TASP1: variants seen among roughly 807,000 people sequenced by gnomAD.
TASP1 encodes taspase 1.
TASP1 carries 16 observed loss-of-function variants against 56.6 expected under a neutral mutation model. That is an observed-to-expected ratio of 0.28 (90% CI 0.19 to 0.43). The LOEUF is 0.43. Ranked by LOEUF, TASP1 falls within the 20% of genes least tolerant of loss-of-function variation. The pLI is 1.00. For missense variants in TASP1, 393 were observed against 511.6 expected (o/e 0.77, Z 2.24); for synonymous variants, 179 against 184.2 (o/e 0.97, Z 0.23).
At chr20:13,128,405 C>G in the TASP1 span, among the ~76,000 whole-genome samples, 1 of 152,184 alleles carries the variant, frequency 6.6e-6, no homozygotes, top group African/African-American at 2.4e-5. Flanking sequence ...ACATCTAATA[C>G]CAATCAGTCA....
At chr20:13,256,865 A>G in the TASP1 span, among the ~76,000 whole-genome samples, 1 of 152,188 alleles carries the variant, frequency 6.6e-6, no homozygotes. Context: ...AGTGATACGT[A>G]AAAGTGTTTG....
chr20:13,434,140 TTCTATTTTTTTTTTAA>T (rs1258293440), intron 12 of TASP1, among the ~76,000 whole-genome samples: 1 of 152,066 alleles, frequency 6.6e-6, no homozygotes. Flanking sequence ...TGTGGCAAAG[TTCTATTTTTTTTTTAA>T]TCTGCATGCT....
the TASP1 span, among the ~76,000 whole-genome samples, chr20:13,131,944 C>T: frequency 2.0e-4 from 30 of 152,062 alleles, no homozygotes; most frequent in Non-Finnish European, 4.4e-4. Context: ...CTCGCTCAGC[C>T]TACTACAGGC....
At chr20:13,441,244 G>A (rs1040937922) in intron 11 of TASP1, among the ~76,000 whole-genome samples, 1 of 151,966 alleles carries the variant, frequency 6.6e-6, no homozygotes, top group Non-Finnish European at 1.5e-5. Flanking sequence ...CATTCAAATC[G>A]CTAAATTAAT....
At chr20:13,627,756 C>T (rs1211344400) in intron 2 of TASP1, among the ~76,000 whole-genome samples, 3 of 103,718 alleles carry the variant, frequency 2.9e-5, no homozygotes, top group African/African-American at 6.2e-5. Flanking sequence ...AAAAGTTGAG[C>T]CATTAAATCA....
chr20:13,324,203 C>T, the TASP1 span, among the ~76,000 whole-genome samples: 1 of 152,200 alleles, frequency 6.6e-6, no homozygotes, highest in South Asian at 2.1e-4. Flanking sequence ...TGGCTGTTTA[C>T]AAAGCATGTC....
At chr20:13,416,673 G>A (rs1213676690) in intron 13 of TASP1, among the ~76,000 whole-genome samples, 1 of 152,140 alleles carries the variant, frequency 6.6e-6, no homozygotes, top group Non-Finnish European at 1.5e-5. Context: ...CAACTTCACA[G>A]CTTTATAACT....
intron 10 of TASP1, among the ~76,000 whole-genome samples, chr20:13,527,757 C>A (rs780511382): frequency 1.3e-5 from 2 of 151,710 alleles, no homozygotes; most frequent in Non-Finnish European, 2.9e-5. Flanking sequence ...TGGAAATGTA[C>A]CTTGTAAGTT....
At chr20:13,604,773 C>T (rs1417262317) in intron 4 of TASP1, among the ~76,000 whole-genome samples, 1 of 151,990 alleles carries the variant, frequency 6.6e-6, no homozygotes, top group Non-Finnish European at 1.5e-5. Flanking sequence ...ATTGACAAAA[C>T]TAAGTATTGG....
chr20:13,295,748 T>A, the TASP1 span, among the ~76,000 whole-genome samples: 1 of 152,192 alleles, frequency 6.6e-6, no homozygotes, highest in Non-Finnish European at 1.5e-5. Context: ...TGACTGGGAA[T>A]CCCAGCAAAA....
intron 6 of TASP1, among the ~76,000 whole-genome samples, chr20:13,573,215 A>C (rs1385693906): frequency 6.6e-6 from 1 of 152,212 alleles, no homozygotes; most frequent in African/African-American, 2.4e-5. Context: ...GAAATGTTCT[A>C]ACATATACAA....
At chr20:13,374,783 T>C in the TASP1 span, among the ~76,000 whole-genome samples, 1 of 152,016 alleles carries the variant, frequency 6.6e-6, no homozygotes, top group East Asian at 1.9e-4. Flanking sequence ...ACTTAGCTAG[T>C]CCATTTTGAT....
chr20:13,570,289 T>C (rs753570454), intron 6 of TASP1, among the ~76,000 whole-genome samples: 4 of 152,096 alleles, frequency 2.6e-5, no homozygotes, highest in African/African-American at 9.7e-5. Flanking sequence ...ACTAAGCAAA[T>C]AGTAATAGCA....
chr20:13,614,794 C>G (rs1568653034), intron 4 of TASP1: 1 of 468,794 alleles, frequency 2.1e-6, no homozygotes, highest in Non-Finnish European at 4.4e-6. Context: ...TAGTTTTAAA[C>G]TTTGTTTTAG....
At chr20:13,503,976 A>G (rs1283300545) in intron 10 of TASP1, among the ~76,000 whole-genome samples, 1 of 150,638 alleles carries the variant, frequency 6.6e-6, no homozygotes, top group Non-Finnish European at 1.5e-5. Flanking sequence ...TTTATGGAGT[A>G]CCATCTAGCA....
the TASP1 span, among the ~76,000 whole-genome samples, chr20:13,205,060 CT>C: frequency 1.3e-5 from 2 of 152,174 alleles, no homozygotes; most frequent in Non-Finnish European, 2.9e-5. Context: ...CTGGAAAGGT[CT>C]GCTACTGAGC....
chr20:13,210,617 G>A, the TASP1 span, among the ~76,000 whole-genome samples: 7 of 37,576 alleles, frequency 1.9e-4, no homozygotes, highest in East Asian at 6.3e-3. Context: ...ATGTGCACAC[G>A]TGTGTGTGTG....
chr20:13,483,227 T>C lies in TASP1; in HGVS notation c.985A>G (p.Ser329Gly). ...GTAATCTTCTTAATGTTATACTTAC[T>C]GATAAACTTGTTTTGCATAGTCTCC... is the stretch of plus-strand genomic sequence containing the variant. ...LLETMQNKFI[S>G]SPFLASEDGV... The change falls in exon 11 of 14, where the codon AGT becomes GGT. Residue 329 changes from serine to glycine, a missense_variant and splice_region_variant. Coordinates refer to ENST00000337743, the MANE Select transcript of TASP1 (RefSeq NM_017714.3). 6.3e-7 allele frequency: 1 copy of C among 1,577,950 alleles called. No individual in the cohort carries two copies. The highest frequency in any genetic ancestry group is 8.6e-7 in the Non-Finnish European group (1 of 1,162,144).
intron 4 of TASP1, among the ~76,000 whole-genome samples, chr20:13,592,473 A>G (rs1398822561): frequency 1.3e-5 from 2 of 152,138 alleles, no homozygotes; most frequent in Non-Finnish European, 2.9e-5. Flanking sequence ...AAAACTTTAC[A>G]AGAAACTGTA....
Sources: gnomAD v4.1 joint callset for allele counts (sites outside exome capture counted in the v4.1 genomes callset) on GRCh38, gnomAD v4.1.1 for gene constraint, MANE v1.5 for transcripts, NCBI Gene and HGNC (gene_info 2026-07-23, HGNC 2026-07-21) for gene names.